HCRTR2: variants seen among roughly 807,000 people sequenced by gnomAD.
HCRTR2 encodes hypocretin receptor 2, also known as orexin receptor type 2.
HCRTR2 carries 22 observed loss-of-function variants against 49.0 expected under a neutral mutation model. The observed-to-expected ratio is 0.45, with a 90% CI of 0.32 to 0.64. HCRTR2 has a LOEUF of 0.64. Among genes scored for constraint, HCRTR2 ranks in the 30% least tolerant of loss-of-function variants. The probability of loss-of-function intolerance (pLI) is 0.04; values close to 1 mark genes in which losing one functional copy is unlikely to be tolerated. For synonymous variants in HCRTR2, 236 were observed against 205.3 expected (o/e 1.15, Z -1.28); for missense variants, 491 against 559.4 (o/e 0.88, Z 1.23).
chr6:55,189,310 A>C (rs3134688), intron 1 of HCRTR2, among the ~76,000 whole-genome samples: 152,009 of 152,280 alleles, frequency 1, 75,870 homozygotes, highest in Non-Finnish European at 1. Context: ...CACTGGGAAA[A>C]CAGTTAGAAG....
chr6:55,214,248 A>G (rs9396060), intron 1 of HCRTR2, among the ~76,000 whole-genome samples: 2 of 152,108 alleles, frequency 1.3e-5, no homozygotes, highest in African/African-American at 4.8e-5. Context: ...GAGGCCCCAG[A>G]ATTTCTAGCT....
intron 1 of HCRTR2, among the ~76,000 whole-genome samples, chr6:55,199,257 C>T (rs1339129688): frequency 6.6e-6 from 1 of 150,754 alleles, no homozygotes; most frequent in Non-Finnish European, 1.5e-5. Flanking sequence ...TGGTTTTGAC[C>T]AGTTTTTTGT....
chr6:55,214,331 T>C (rs1408476507), intron 1 of HCRTR2, among the ~76,000 whole-genome samples: 1 of 152,062 alleles, frequency 6.6e-6, no homozygotes, highest in Non-Finnish European at 1.5e-5. Flanking sequence ...TTTTGTTTGT[T>C]TTACATTTTT....
chr6:55,263,854 T>C, intron 4 of HCRTR2, 32 bp downstream of exon 4: 1 of 1,191,856 alleles, frequency 8.4e-7, no homozygotes, highest in Admixed American at 1.7e-5. Context: ...GCGTGCATTA[T>C]TCCTCCACAC....
At chr6:55,166,069 T>A (rs1420950022) in intron 1 of HCRTR2, among the ~76,000 whole-genome samples, 2 of 152,056 alleles carry the variant, frequency 1.3e-5, no homozygotes, top group African/African-American at 2.4e-5. Flanking sequence ...CTTTTCTGTG[T>A]CTTTTGAGAT....
At chr6:55,211,614 T>C (rs1484521266) in intron 1 of HCRTR2, among the ~76,000 whole-genome samples, 7 of 152,190 alleles carry the variant, frequency 4.6e-5, no homozygotes, top group Non-Finnish European at 1.0e-4. Context: ...CCCTTCATGA[T>C]GTGGCCCCAT....
intron 1 of HCRTR2, among the ~76,000 whole-genome samples, chr6:55,121,128 G>A (rs2127237394): frequency 6.6e-6 from 1 of 152,138 alleles, no homozygotes; most frequent in East Asian, 1.9e-4. Flanking sequence ...TCTTCCATTT[G>A]TTTGTATCCT....
chr6:55,161,302 C>T (rs1257061208), intron 1 of HCRTR2, among the ~76,000 whole-genome samples: 3 of 152,034 alleles, frequency 2.0e-5, no homozygotes, highest in South Asian at 2.1e-4. Flanking sequence ...AAAGACACAA[C>T]ATACCAGAAT....
Position 55,256,498 on chromosome 6 carries a change from G to C in HCRTR2, c.646+1119G>C, listed in dbSNP as rs189634154. On this transcript the variant is annotated intron_variant, in intron 3 of 6. Coordinates refer to ENST00000370862, the MANE Select transcript of HCRTR2 (RefSeq NM_001384272.1). ...TACAGCAAGATAATATTTAAGAGAG[G>C]CTGGGATTATTTCATATATTGTTGC... Among the ~76,000 whole-genome samples, 727 of 152,100 alleles carry C rather than the reference G, an allele frequency of 4.8e-3. 17 individuals are homozygous for C. The highest frequency in any genetic ancestry group is 8.2e-4 in the Non-Finnish European group (56 of 67,952).
At chr6:55,188,570 T>A (rs1486485984) in intron 1 of HCRTR2, among the ~76,000 whole-genome samples, 3 of 152,240 alleles carry the variant, frequency 2.0e-5, no homozygotes, top group African/African-American at 7.2e-5. Flanking sequence ...ACCAACGCAC[T>A]GACTTTCTAG....
intron 1 of HCRTR2, among the ~76,000 whole-genome samples, chr6:55,246,623 T>C (rs1766449647): frequency 6.6e-6 from 1 of 152,072 alleles, no homozygotes; most frequent in South Asian, 2.1e-4. Flanking sequence ...AGAGGATATA[T>C]GGATGATATA....
At chr6:55,184,468 AT>A (rs1765184043) in intron 1 of HCRTR2, among the ~76,000 whole-genome samples, 1 of 152,190 alleles carries the variant, frequency 6.6e-6, no homozygotes, top group African/African-American at 2.4e-5. Context: ...AAAATTTGAG[AT>A]CTAATAAACA....
chr6:55,276,481 A>T (rs560398870), intron 4 of HCRTR2, among the ~76,000 whole-genome samples: 2 of 152,332 alleles, frequency 1.3e-5, no homozygotes, highest in Admixed American at 6.5e-5. Flanking sequence ...AAAGCTGAAT[A>T]ATCTTAACAG....
intron 1 of HCRTR2, among the ~76,000 whole-genome samples, 185 bp downstream of exon 1, chr6:55,174,995 G>A (rs1765014629): frequency 6.6e-6 from 1 of 152,118 alleles, no homozygotes; most frequent in African/African-American, 2.4e-5. Context: ...AACCGGGACC[G>A]AGCCCTGGAA....
chr6:55,219,397 T>C (rs1329019048), intron 1 of HCRTR2, among the ~76,000 whole-genome samples: 4 of 152,166 alleles, frequency 2.6e-5, no homozygotes, highest in Non-Finnish European at 5.9e-5. Flanking sequence ...AAAAGGAAAC[T>C]GGCAATTTCA....
At chr6:55,274,256 T>TATAA (rs1554183716) in intron 4 of HCRTR2, among the ~76,000 whole-genome samples, 1 of 141,328 alleles carries the variant, frequency 7.1e-6, no homozygotes, top group African/African-American at 2.7e-5. Flanking sequence ...TATATATATA[T>TATAA]AATGAAATAT....
chr6:55,173,365 T>A (rs1196466251), upstream of HCRTR2, among the ~76,000 whole-genome samples: 4 of 152,244 alleles, frequency 2.6e-5, no homozygotes, highest in African/African-American at 9.6e-5. Flanking sequence ...AGGAGGCTTC[T>A]ACTCTGAAGC....
At chr6:55,217,802 G>C (rs1765816347) in intron 1 of HCRTR2, among the ~76,000 whole-genome samples, 1 of 152,036 alleles carries the variant, frequency 6.6e-6, no homozygotes, top group Non-Finnish European at 1.5e-5. Flanking sequence ...TTTTTTGCCT[G>C]CTCCTCCAAA....
chr6:55,119,849 C>T (rs1425982134), intron 1 of HCRTR2, among the ~76,000 whole-genome samples: 1 of 151,958 alleles, frequency 6.6e-6, no homozygotes, highest in Non-Finnish European at 1.5e-5. Context: ...TTTTCCCATG[C>T]CTATGTCCTG....
Sources: gnomAD v4.1 joint callset for allele counts (sites outside exome capture counted in the v4.1 genomes callset) on GRCh38, gnomAD v4.1.1 for gene constraint, MANE v1.5 for transcripts, NCBI Gene and HGNC (gene_info 2026-07-23, HGNC 2026-07-21) for gene names.